The following EFL1 variants were observed in gnomAD, a reference collection of about 807,000 sequenced individuals.
EFL1 encodes elongation factor like GTPase 1.
EFL1 carries 76 observed loss-of-function variants against 126.7 expected under a neutral mutation model. The observed-to-expected ratio is 0.60, with a 90% CI of 0.50 to 0.73. The LOEUF is 0.73. EFL1 is among the 30% of genes least tolerant of loss of function. The probability of loss-of-function intolerance (pLI) is 0.00; values close to 1 mark genes in which losing one functional copy is unlikely to be tolerated. For synonymous variants in EFL1, 410 were observed against 448.4 expected, an observed-to-expected ratio of 0.91 and a Z score of 1.08; for missense variants, 1,128 against 1,343.2, an observed-to-expected ratio of 0.84 and a Z score of 2.50.
intron 15 of EFL1, among the ~76,000 whole-genome samples, chr15:82,183,947 A>G (rs958622714): frequency 6.6e-6 from 1 of 152,162 alleles, no homozygotes; most frequent in Non-Finnish European, 1.5e-5. Context: ...AGTGGCTAGA[A>G]CTGGTCATGC....
At chr15:82,157,633 G>T in intron 17 of EFL1, 80 bp downstream of exon 17, 1 of 1,469,106 alleles carries the variant, frequency 6.8e-7, no homozygotes, top group Non-Finnish European at 9.1e-7. Context: ...CGCAGTCTAA[G>T]TTCAACTGGT....
intron 15 of EFL1, among the ~76,000 whole-genome samples, chr15:82,171,449 T>C (rs1404892701): frequency 1.3e-5 from 2 of 152,164 alleles, no homozygotes; most frequent in Non-Finnish European, 2.9e-5. Flanking sequence ...GGGGCAACAG[T>C]GGCAGACAGG....
intron 15 of EFL1, among the ~76,000 whole-genome samples, chr15:82,196,775 T>C (rs1051870658): frequency 2.6e-5 from 4 of 152,250 alleles, no homozygotes; most frequent in Admixed American, 1.3e-4. Flanking sequence ...GGCTCTCGCC[T>C]GTAATCCCAG....
chr15:82,214,971 A>C, intron 14 of EFL1, 116 bp from the exon 15 acceptor site: 1 of 958,414 alleles, frequency 1.0e-6, no homozygotes, highest in Non-Finnish European at 1.5e-6. Flanking sequence ...TTTCATGTAA[A>C]CCTGAAATAT....
At chr15:82,218,635 T>G (rs538480642) in intron 14 of EFL1, among the ~76,000 whole-genome samples, 2 of 152,320 alleles carry the variant, frequency 1.3e-5, no homozygotes, top group East Asian at 3.9e-4. Flanking sequence ...CGTAGATGTA[T>G]AAAAAATCAT....
chr15:82,179,562 T>C (rs923399750), intron 15 of EFL1, among the ~76,000 whole-genome samples: 8 of 152,028 alleles, frequency 5.3e-5, no homozygotes, highest in African/African-American at 1.9e-4. Flanking sequence ...AGACCACAGC[T>C]TTTTTTCCTC....
At position 82,238,386 on chromosome 15, in the gene EFL1, T is replaced by G; in HGVS notation, c.652A>C (p.Thr218Pro). The G allele has an allele frequency of 1.2e-6, 2 of 1,614,222 alleles. No individual in the cohort carries two copies. The highest frequency in any genetic ancestry group is 2.2e-5 in the South Asian group (2 of 91,090). Residue 218 changes from threonine (T) to proline (P), a missense_variant, in exon 7 of 20, where the codon ACA (threonine) becomes CCA (proline). This residue lies in a region of EFL1 where 316 missense variants were observed against 318.5 expected (regional missense o/e 0.99). Coordinates refer to ENST00000268206, the MANE Select transcript of EFL1 (RefSeq NM_024580.6). ...VYDWSTGLED[T>P]DDSHLYFSPE... ...GAGAAGTAAAGGTGAGAATCATCTG[T>G]GTCCTCCAAGCCAGTGCTCCAGTCA...
At chr15:82,260,945 T>C (rs116994574) in intron 2 of EFL1, among the ~76,000 whole-genome samples, 2,745 of 152,318 alleles carry the variant, frequency 0.018, 29 homozygotes, top group Non-Finnish European at 0.026. Context: ...AGAGGAGGCT[T>C]AGCATGAAGG....
intron 7 of EFL1, among the ~76,000 whole-genome samples, chr15:82,231,602 T>C (rs535519932): frequency 2.6e-5 from 4 of 151,974 alleles, no homozygotes; most frequent in Non-Finnish European, 5.9e-5. Context: ...GAGAACAATC[T>C]AGTTTAAGGT....
At chr15:82,180,365 A>AAAAAAC (rs1567052865) in intron 15 of EFL1, among the ~76,000 whole-genome samples, 4 of 106,784 alleles carry the variant, frequency 3.7e-5, no homozygotes, top group Non-Finnish European at 7.2e-5. Context: ...CTGGCAAAAA[A>AAAAAAC]AAAAAAACAA....
chr15:82,164,520 A>G (rs2141243389), intron 15 of EFL1, among the ~76,000 whole-genome samples: 1 of 152,260 alleles, frequency 6.6e-6, no homozygotes, highest in East Asian at 1.9e-4. Flanking sequence ...CACTCACTTC[A>G]GACTTTTGGC....
At position 82,219,370 on chromosome 15, in the gene EFL1, C is replaced by A. The variant is rs557202028; in HGVS notation, c.1611+282G>T. 8.5e-5 allele frequency among the ~76,000 whole-genome samples: 13 copies of A among 152,314 alleles called. 1 individual carries two copies. Among genetic ancestry groups the A allele is most frequent in the African/African-American group, 2.9e-4 (12 of 41,576 alleles). On this transcript the variant is annotated intron_variant, in intron 14 of 19. Coordinates refer to ENST00000268206, the MANE Select transcript of EFL1 (RefSeq NM_024580.6). Reference sequence around the variant, plus strand: ...AGCATGACATCTGCTCTTATCAGTTCTTTTCTCTAACCACAAGGTGACTCT... The same window carrying A: ...AGCATGACATCTGCTCTTATCAGTTATTTTCTCTAACCACAAGGTGACTCT...
intron 18 of EFL1, among the ~76,000 whole-genome samples, chr15:82,148,493 T>C (rs562302863): frequency 1.3e-5 from 2 of 152,268 alleles, no homozygotes; most frequent in African/African-American, 4.8e-5. Context: ...CTACAACTTA[T>C]AGAAACTAGT....
intron 14 of EFL1, among the ~76,000 whole-genome samples, chr15:82,218,357 G>A (rs2074673194): frequency 6.6e-6 from 1 of 152,078 alleles, no homozygotes; most frequent in South Asian, 2.1e-4. Context: ...TCTGGTTACT[G>A]AAATAAGAGG....
At chr15:82,203,360 T>C (rs1174471033) in intron 15 of EFL1, among the ~76,000 whole-genome samples, 1 of 152,210 alleles carries the variant, frequency 6.6e-6, no homozygotes, top group Non-Finnish European at 1.5e-5. Context: ...ATATGGCATG[T>C]ACATGTTTTG....
chr15:82,162,331 T>C (rs1014362929), intron 16 of EFL1, among the ~76,000 whole-genome samples: 3 of 152,322 alleles, frequency 2.0e-5, no homozygotes, highest in South Asian at 2.1e-4. Context: ...TTTTTTCCTA[T>C]TTTTAAAATG....
intron 15 of EFL1, among the ~76,000 whole-genome samples, chr15:82,169,948 C>T (rs1362666151): frequency 6.6e-6 from 1 of 152,064 alleles, no homozygotes; most frequent in Non-Finnish European, 1.5e-5. Context: ...CAATGTGACA[C>T]ATCTTATAAT....
intron 12 of EFL1, among the ~76,000 whole-genome samples, chr15:82,222,514 A>G (rs1040737169): frequency 1.3e-5 from 2 of 152,222 alleles, no homozygotes; most frequent in African/African-American, 4.8e-5. Context: ...TCATGAAGTG[A>G]TCTGGAATAA....
intron 17 of EFL1, 37 bp from the exon 18 acceptor site, chr15:82,152,460 AATCAAAATAGC>A: frequency 6.5e-7 from 1 of 1,528,216 alleles, no homozygotes; most frequent in Non-Finnish European, 8.8e-7. Context: ...AGAAGGTTAA[AATCAAAATAGC>A]ATCAAAGCTC....
Sources: gnomAD v4.1 joint callset for allele counts (sites outside exome capture counted in the v4.1 genomes callset) on GRCh38, gnomAD v4.1.1 for gene constraint, gnomAD v4.1.1 regional missense constraint, MANE v1.5 for transcripts, NCBI Gene and HGNC (gene_info 2026-07-23, HGNC 2026-07-21) for gene names.